The following SGCZ variants were observed in gnomAD, a reference collection of about 807,000 sequenced individuals.
SGCZ encodes sarcoglycan zeta, also known as zeta-sarcoglycan.
SGCZ carries 40 observed loss-of-function variants against 41.3 expected under a neutral mutation model. That is an observed-to-expected ratio of 0.97 (90% CI 0.75 to 1.26). The LOEUF (loss-of-function observed/expected upper bound fraction) is 1.26, where lower values mean the gene tolerates loss of function less well. Among genes scored for constraint, SGCZ ranks in the 50% most tolerant of loss-of-function variants. The probability of loss-of-function intolerance (pLI) is 0.00; values close to 1 mark genes in which losing one functional copy is unlikely to be tolerated. For missense variants in SGCZ, 552 were observed against 369.8 expected, an observed-to-expected ratio of 1.49 and a Z score of -4.04; for synonymous variants, 206 against 137.5, an observed-to-expected ratio of 1.50 and a Z score of -3.49.
intron 1 of SGCZ, among the ~76,000 whole-genome samples, chr8:14,951,262 C>G (rs949192805): frequency 7.9e-5 from 12 of 151,884 alleles, no homozygotes; most frequent in South Asian, 2.1e-4. Flanking sequence ...TTCATAGAAA[C>G]TGGTTAGGAA....
chr8:14,314,063 G>C (rs935697243), intron 3 of SGCZ, among the ~76,000 whole-genome samples: 3 of 152,004 alleles, frequency 2.0e-5, no homozygotes, highest in Admixed American at 6.6e-5. Flanking sequence ...TAAGGCTTCA[G>C]TAGTGTCTGA....
chr8:15,094,354 C>T (rs533893431), intron 1 of SGCZ, among the ~76,000 whole-genome samples: 2 of 152,186 alleles, frequency 1.3e-5, no homozygotes, highest in African/African-American at 4.8e-5. Context: ...AGGCTGATCT[C>T]GGACTCCTGA....
At chr8:14,418,638 G>A (rs11203607) in intron 2 of SGCZ, among the ~76,000 whole-genome samples, 86,157 of 151,580 alleles carry the variant, frequency 0.57, 25,323 homozygotes, top group South Asian at 0.75. Context: ...CAACAACAAG[G>A]TAAATACAGC....
chr8:14,745,640 C>T lies in SGCZ; in HGVS notation c.40-190714G>A, dbSNP rs974074040. 2.6e-5 allele frequency among the ~76,000 whole-genome samples: 4 copies of T among 152,014 alleles called. No homozygotes were observed. The East Asian group carries it at 5.8e-4, about 22-fold the overall frequency. ...CTGTGTATGTATGTACATATATACA[C>T]ACACACATATATATATACACACATA... On this transcript the variant is annotated intron_variant, in intron 1 of 7. Coordinates refer to ENST00000382080, the MANE Select transcript of SGCZ (RefSeq NM_139167.4).
At chr8:14,620,429 A>G (rs918660864) in intron 1 of SGCZ, among the ~76,000 whole-genome samples, 2 of 152,190 alleles carry the variant, frequency 1.3e-5, no homozygotes, top group Non-Finnish European at 2.9e-5. Flanking sequence ...AAAAGCCAAA[A>G]TTGACAAATG....
intron 5 of SGCZ, among the ~76,000 whole-genome samples, chr8:14,150,259 G>T (rs895923066): frequency 8.6e-5 from 13 of 151,906 alleles, no homozygotes; most frequent in African/African-American, 3.1e-4. Context: ...CAAACTGGGA[G>T]AAAATATTTG....
At chr8:14,236,850 T>A (rs889992849) in intron 4 of SGCZ, among the ~76,000 whole-genome samples, 2 of 151,732 alleles carry the variant, frequency 1.3e-5, no homozygotes, top group Non-Finnish European at 2.9e-5. Context: ...AAGGAATCAA[T>A]CTTGTATTTT....
chr8:14,889,698 T>C (rs1041729816), intron 1 of SGCZ, among the ~76,000 whole-genome samples: 9 of 152,100 alleles, frequency 5.9e-5, no homozygotes, highest in Non-Finnish European at 1.2e-4. Context: ...CATATTAACA[T>C]ATACTATTAA....
intron 1 of SGCZ, among the ~76,000 whole-genome samples, chr8:15,229,614 A>G (rs1274747357): frequency 2.6e-5 from 4 of 152,230 alleles, no homozygotes; most frequent in Non-Finnish European, 4.4e-5. Context: ...AGGCTAGAAC[A>G]TGATTCAAGA....
chr8:14,851,713 T>TTA (rs903839171), intron 1 of SGCZ, among the ~76,000 whole-genome samples: 51 of 152,156 alleles, frequency 3.4e-4, no homozygotes, highest in African/African-American at 1.2e-3. Flanking sequence ...GATTTTCCAT[T>TTA]TATATATATC....
intron 4 of SGCZ, among the ~76,000 whole-genome samples, chr8:14,189,249 G>A (rs768004324): frequency 9.2e-5 from 14 of 152,074 alleles, no homozygotes; most frequent in South Asian, 2.1e-4. Context: ...TTTCCATCTT[G>A]TTGCTTTACT....
chr8:14,481,447 T>C (rs373888506), intron 2 of SGCZ, among the ~76,000 whole-genome samples: 24 of 152,334 alleles, frequency 1.6e-4, no homozygotes, highest in African/African-American at 4.1e-4. Flanking sequence ...GTCATGAATT[T>C]TGTGCTTTTT....
chr8:14,715,473 C>G (rs1173777377), intron 1 of SGCZ, among the ~76,000 whole-genome samples: 1 of 151,896 alleles, frequency 6.6e-6, no homozygotes, highest in Non-Finnish European at 1.5e-5. Flanking sequence ...TGTACCATAA[C>G]TTCAACCTGT....
At chr8:14,978,228 G>A (rs1585431271) in intron 1 of SGCZ, among the ~76,000 whole-genome samples, 2 of 123,862 alleles carry the variant, frequency 1.6e-5, no homozygotes, top group East Asian at 4.7e-4. Context: ...AGCACTTTAG[G>A]AGGCTGAGGG....
intron 1 of SGCZ, among the ~76,000 whole-genome samples, chr8:14,946,331 GT>G (rs1165431038): frequency 6.6e-6 from 1 of 151,546 alleles, no homozygotes. Context: ...TAGTCTCGGA[GT>G]GGCCACGTAT....
At chr8:14,729,594 C>T (rs1355418662) in intron 1 of SGCZ, among the ~76,000 whole-genome samples, 1 of 152,120 alleles carries the variant, frequency 6.6e-6, no homozygotes, top group Admixed American at 6.5e-5. Flanking sequence ...AGATGTCTCA[C>T]CAACCTTGCT....
intron 1 of SGCZ, among the ~76,000 whole-genome samples, chr8:14,812,130 A>G (rs1801755495): frequency 1.3e-5 from 2 of 152,020 alleles, no homozygotes; most frequent in Non-Finnish European, 2.9e-5. Flanking sequence ...TATACATTTT[A>G]AAGATATTTT....
chr8:15,085,702 CCCA>C (rs979558368), intron 1 of SGCZ, among the ~76,000 whole-genome samples: 2 of 152,100 alleles, frequency 1.3e-5, no homozygotes, highest in African/African-American at 4.8e-5. Flanking sequence ...GGATATTCTA[CCCA>C]CCAACTTTGC....
In SGCZ at chr8:15,150,032, G is replaced by T. The variant is rs567941329; in HGVS notation, c.39+87553C>A. Among the ~76,000 whole-genome samples the T allele has an allele frequency of 1.8e-4, 27 of 152,294 alleles. No homozygotes were observed. The South Asian group carries it at 4.1e-3, about 23-fold the overall frequency. On this transcript the variant is annotated intron_variant, in intron 1 of 7. Transcript: ENST00000382080. The stretch of plus-strand genomic sequence containing the variant: ...GTGTGTCTGCAAAGGAAAAAAGCAA[G>T]CTGTCAAACAGCCACCTGTGCAAAA...
Sources: gnomAD v4.1 joint callset for allele counts (sites outside exome capture counted in the v4.1 genomes callset) on GRCh38, gnomAD v4.1.1 for gene constraint, MANE v1.5 for transcripts, NCBI Gene and HGNC (gene_info 2026-07-23, HGNC 2026-07-21) for gene names.